SUCLG2: variants seen among roughly 807,000 people sequenced by gnomAD.
The protein encoded by SUCLG2 is succinate-CoA ligase GDP-forming subunit beta.
In SUCLG2, 42 loss-of-function variants were observed where a neutral mutation model predicts 47.9. That is an observed-to-expected ratio of 0.88 (90% CI 0.69 to 1.14). The LOEUF is 1.14. Ranked by LOEUF, SUCLG2 falls within the 50% of genes most tolerant of loss-of-function variation. The pLI, the probability that SUCLG2 is intolerant of heterozygous loss-of-function variation, is 0.00. For synonymous variants in SUCLG2, 195 were observed against 197.3 expected, an observed-to-expected ratio of 0.99 and a Z score of 0.10; for missense variants, 571 against 525.9, an observed-to-expected ratio of 1.09 and a Z score of -0.84.
At chr3:67,429,027 T>G (rs1171096028) in intron 9 of SUCLG2, among the ~76,000 whole-genome samples, 3 of 152,208 alleles carry the variant, frequency 2.0e-5, no homozygotes, top group Admixed American at 6.5e-5. Flanking sequence ...AAAACACTCT[T>G]CAGGACATTA....
chr3:67,619,996 GATTT>G (rs931273390), intron 1 of SUCLG2, among the ~76,000 whole-genome samples: 1 of 152,152 alleles, frequency 6.6e-6, no homozygotes, highest in Non-Finnish European at 1.5e-5. Flanking sequence ...AAGTAGGCAA[GATTT>G]ATTTATAGAT....
chr3:67,392,820 T>TA (rs1488346230), intron 10 of SUCLG2, among the ~76,000 whole-genome samples: 1 of 141,516 alleles, frequency 7.1e-6, no homozygotes, highest in Non-Finnish European at 1.5e-5. Flanking sequence ...GTAGTCACTG[T>TA]ACTTTTTTTT....
At chr3:67,426,145 T>A (rs1346992688) in intron 9 of SUCLG2, among the ~76,000 whole-genome samples, 1 of 152,140 alleles carries the variant, frequency 6.6e-6, no homozygotes, top group Non-Finnish European at 1.5e-5. Flanking sequence ...CTTTAGTATT[T>A]TAAAATGTTT....
intron 2 of SUCLG2, among the ~76,000 whole-genome samples, chr3:67,564,625 C>T (rs553847329): frequency 3.3e-5 from 5 of 152,252 alleles, no homozygotes; most frequent in Non-Finnish European, 5.9e-5. Flanking sequence ...CCACAGGCCA[C>T]ATGCAGCTCA....
intron 2 of SUCLG2, among the ~76,000 whole-genome samples, chr3:67,551,116 G>C (rs571626520): frequency 1.3e-5 from 2 of 152,192 alleles, no homozygotes; most frequent in East Asian, 3.9e-4. Flanking sequence ...TGTATTTTTT[G>C]CAAGTATTCA....
chr3:67,387,432 A>G lies in SUCLG2; in HGVS notation c.1184-11573T>C, dbSNP rs559797712. ...TCAGCCAATTATATTATTGTTTGTC[A>G]CTGGAAATAACTAGAAATGAATGCA... On this transcript the variant is annotated intron_variant, in intron 10 of 10. Coordinates refer to ENST00000307227, the MANE Select transcript of SUCLG2 (RefSeq NM_003848.4). 1.4e-3 allele frequency among the ~76,000 whole-genome samples: 209 copies of G among 152,296 alleles called. 1 individual carries two copies. The highest frequency in any genetic ancestry group is 2.0e-3 in the Non-Finnish European group (133 of 68,024).
At position 67,375,829 on chromosome 3, in the gene SUCLG2, A is replaced by G; in HGVS notation, c.1214T>C (p.Leu405Pro). ...GTNVQEAQKILNNSGLPITSA... is the reference protein window; with the variant it reads ...GTNVQEAQKIPNNSGLPITSA... Reference sequence around the variant, plus strand: ...AGTAATGGGGAGTCCGCTGTTGTTGAGTATCTTCTGGGCCTCTTGGACGTT... The same window carrying G: ...AGTAATGGGGAGTCCGCTGTTGTTGGGTATCTTCTGGGCCTCTTGGACGTT... Residue 405 changes from leucine to proline, a missense_variant, in exon 11 of 11, where the codon CTC becomes CCC. Transcript: ENST00000307227. 2 of 1,613,884 alleles carry G rather than the reference A, an allele frequency of 1.2e-6. No homozygotes were observed.
chr3:67,464,112 C>A (rs1418048778), intron 9 of SUCLG2, among the ~76,000 whole-genome samples: 1 of 152,204 alleles, frequency 6.6e-6, no homozygotes, highest in Non-Finnish European at 1.5e-5. Flanking sequence ...CAAGCCCATT[C>A]CTTTTAGGAG....
chr3:67,364,260 G>T (rs1473829697), intron 10 of SUCLG2, among the ~76,000 whole-genome samples: 1 of 152,162 alleles, frequency 6.6e-6, no homozygotes, highest in African/African-American at 2.4e-5. Flanking sequence ...GAGTTGGTTT[G>T]TTGATCTCTT....
At chr3:67,617,039 T>C (rs192510378) in intron 1 of SUCLG2, among the ~76,000 whole-genome samples, 179 of 152,340 alleles carry the variant, frequency 1.2e-3, no homozygotes, top group African/African-American at 4.0e-3. Flanking sequence ...TTGTTCTGTA[T>C]GCAAATTAGC....
intron 2 of SUCLG2, among the ~76,000 whole-genome samples, chr3:67,589,345 C>T (rs1052211457): frequency 7.2e-5 from 11 of 152,068 alleles, no homozygotes; most frequent in South Asian, 2.1e-4. Flanking sequence ...AATTCGAAGC[C>T]GCTCCCAAGA....
chr3:67,514,146 C>G, intron 6 of SUCLG2: 1 of 293,920 alleles, frequency 3.4e-6, no homozygotes, highest in Non-Finnish European at 7.0e-6. Flanking sequence ...TTTGTTGGAC[C>G]TATGCAAGAT....
At chr3:67,432,539 C>A (rs928978714) in intron 9 of SUCLG2, among the ~76,000 whole-genome samples, 2 of 152,178 alleles carry the variant, frequency 1.3e-5, no homozygotes, top group African/African-American at 4.8e-5. Flanking sequence ...TATCTAATTT[C>A]TATCCTTATG....
At chr3:67,545,921 T>C (rs1306701139) in intron 2 of SUCLG2, among the ~76,000 whole-genome samples, 1 of 152,192 alleles carries the variant, frequency 6.6e-6, no homozygotes. Context: ...CACTCCCAAA[T>C]AAGAATGTAT....
chr3:67,363,337 A>G (rs1261936385), intron 10 of SUCLG2, among the ~76,000 whole-genome samples: 1 of 152,168 alleles, frequency 6.6e-6, no homozygotes, highest in African/African-American at 2.4e-5. Context: ...TTTATTCTCA[A>G]ATTGTACCAC....
At chr3:67,403,632 C>T (rs1463195031) in intron 9 of SUCLG2, among the ~76,000 whole-genome samples, 3 of 151,990 alleles carry the variant, frequency 2.0e-5, no homozygotes, top group Admixed American at 6.6e-5. Flanking sequence ...AGGGGAGAGG[C>T]GGTGATGCAG....
intron 9 of SUCLG2, among the ~76,000 whole-genome samples, chr3:67,416,549 T>G (rs1284130694): frequency 6.6e-6 from 1 of 152,216 alleles, no homozygotes; most frequent in African/African-American, 2.4e-5. Flanking sequence ...TGGTATCCTA[T>G]TAGAATCTTA....
intron 1 of SUCLG2, among the ~76,000 whole-genome samples, chr3:67,613,954 G>A (rs898711133): frequency 3.3e-5 from 5 of 152,208 alleles, no homozygotes; most frequent in East Asian, 1.9e-4. Context: ...GACAGAGCTC[G>A]TGTAAGGTAA....
chr3:67,617,321 C>A (rs1009851206), intron 1 of SUCLG2, among the ~76,000 whole-genome samples: 2 of 152,078 alleles, frequency 1.3e-5, no homozygotes. Flanking sequence ...GACAACAGCA[C>A]GTCAACTTCT....
Sources: gnomAD v4.1 joint callset for allele counts (sites outside exome capture counted in the v4.1 genomes callset) on GRCh38, gnomAD v4.1.1 for gene constraint, MANE v1.5 for transcripts, NCBI Gene and HGNC (gene_info 2026-07-23, HGNC 2026-07-21) for gene names.